The following FRMD4A variants were observed in gnomAD, a reference collection of about 807,000 sequenced individuals.
The protein encoded by FRMD4A is FERM domain-containing protein 4A.
Under a neutral mutation model 129.1 loss-of-function variants are expected in FRMD4A, and 29 were observed. That is an observed-to-expected ratio of 0.22 (90% CI 0.17 to 0.31). The LOEUF (loss-of-function observed/expected upper bound fraction) is 0.31, where lower values mean the gene tolerates loss of function less well. Ranked by LOEUF, FRMD4A falls within the 10% of genes least tolerant of loss-of-function variation. FRMD4A has a pLI of 1.00. For missense variants in FRMD4A, 1,272 were observed against 1,375.8 expected (o/e 0.92, Z 1.19); for synonymous variants, 634 against 571.6 (o/e 1.11, Z -1.56).
At chr10:14,167,321 C>G (rs1030750323) in intron 2 of FRMD4A, among the ~76,000 whole-genome samples, 6 of 151,988 alleles carry the variant, frequency 3.9e-5, no homozygotes, top group Non-Finnish European at 5.9e-5. Context: ...CACTTGAGGT[C>G]GGGAGATCAA....
At chr10:14,187,300 G>T (rs1006761392) in intron 2 of FRMD4A, among the ~76,000 whole-genome samples, 1 of 152,188 alleles carries the variant, frequency 6.6e-6, no homozygotes, top group Non-Finnish European at 1.5e-5. Flanking sequence ...CAGTCAAATT[G>T]TGTATCAACT....
intron 6 of FRMD4A, among the ~76,000 whole-genome samples, chr10:13,768,427 G>A (rs72769570): frequency 0.044 from 6,655 of 152,202 alleles, 191 homozygotes; most frequent in Non-Finnish European, 0.058. Context: ...ACCATGGTCC[G>A]GAACTGCAGG....
At chr10:13,952,016 T>C (rs2095375266) in intron 2 of FRMD4A, among the ~76,000 whole-genome samples, 1 of 150,774 alleles carries the variant, frequency 6.6e-6, no homozygotes, top group African/African-American at 2.4e-5. Context: ...TAAGAAGTTC[T>C]TTAAGATATT....
chr10:13,782,148 T>A (rs934092253), intron 6 of FRMD4A, among the ~76,000 whole-genome samples: 2 of 150,420 alleles, frequency 1.3e-5, no homozygotes, highest in African/African-American at 2.5e-5. Context: ...CAATTTTTTT[T>A]AAAAAAGAAA....
Position 13,785,778 on chromosome 10 carries a change from C to CA in FRMD4A, c.300-2773dup, listed in dbSNP as rs199843321. ...TAATGCTATCCCTCCCCCTACCCCCCACCCCACGACAGGCCCCAGTATGTG... is the reference window on the plus strand; with the variant it reads ...TAATGCTATCCCTCCCCCTACCCCCCAACCCCACGACAGGCCCCAGTATGTG... On this transcript the variant is annotated intron_variant, in intron 5 of 24. Coordinates refer to ENST00000357447, the MANE Select transcript of FRMD4A (RefSeq NM_018027.5). Among the ~76,000 whole-genome samples, 288 of 151,978 alleles carry CA rather than the reference C, an allele frequency of 1.9e-3. 9 individuals carry two copies. In the East Asian group the frequency reaches 0.047, roughly 25 times the overall value.
intron 17 of FRMD4A, among the ~76,000 whole-genome samples, chr10:13,669,702 A>G (rs2083360006): frequency 6.6e-6 from 1 of 152,238 alleles, no homozygotes; most frequent in Non-Finnish European, 1.5e-5. Context: ...GCCTGAGGGT[A>G]TACCTGGCCT....
At chr10:14,197,022 A>G (rs78004124) in intron 2 of FRMD4A, among the ~76,000 whole-genome samples, 6,838 of 152,206 alleles carry the variant, frequency 0.045, 246 homozygotes, top group Non-Finnish European at 0.067. Context: ...AATTGCTATC[A>G]CTGTTCTCAA....
chr10:13,689,217 G>GGGGGGGGT (rs2085430434), intron 15 of FRMD4A, among the ~76,000 whole-genome samples: 1 of 75,614 alleles, frequency 1.3e-5, no homozygotes. Context: ...GGGGGGGGGG[G>GGGGGGGGT]GGGAGGGCTA....
At chr10:14,005,683 C>G (rs759220856) in intron 2 of FRMD4A, among the ~76,000 whole-genome samples, 2 of 152,160 alleles carry the variant, frequency 1.3e-5, no homozygotes, top group Non-Finnish European at 2.9e-5. Flanking sequence ...CATCGCTCCT[C>G]CAGAGAGCAA....
intron 2 of FRMD4A, among the ~76,000 whole-genome samples, chr10:14,195,058 G>T (rs1271862180): frequency 1.3e-5 from 2 of 152,078 alleles, no homozygotes; most frequent in African/African-American, 2.4e-5. Flanking sequence ...AAGTGAAATA[G>T]CAATTCTTAT....
In FRMD4A at chr10:14,137,772, C is replaced by T. The variant is rs117413808; in HGVS notation, c.45+192286G>A. On this transcript the variant is annotated intron_variant, in intron 2 of 24. Coordinates refer to ENST00000357447, the MANE Select transcript of FRMD4A (RefSeq NM_018027.5). ...TGTTAATATGCAATGGCACTCCCTGCCCTCCTTTGCTACGCACTAATTTAA... is the reference window on the plus strand; with the variant it reads ...TGTTAATATGCAATGGCACTCCCTGTCCTCCTTTGCTACGCACTAATTTAA... Among the ~76,000 whole-genome samples the T allele has an allele frequency of 4.8e-3, 725 of 152,254 alleles. 8 individuals carry two copies. Among genetic ancestry groups the T allele is most frequent in the East Asian group, 0.042 (218 of 5,176 alleles).
intron 2 of FRMD4A, among the ~76,000 whole-genome samples, chr10:13,881,687 G>A (rs1181471380): frequency 6.6e-6 from 1 of 152,080 alleles, no homozygotes; most frequent in African/African-American, 2.4e-5. Context: ...GTGCTGTGCT[G>A]TCAACGACAA....
rs2093742447 is a variant in FRMD4A, at chr10:13,828,712, A to G, written c.112-17804T>C. Among the ~76,000 whole-genome samples the G allele has an allele frequency of 3.3e-5, 5 of 152,122 alleles. No individual in the cohort carries two copies. In the South Asian group the frequency reaches 1.0e-3, roughly 32 times the overall value. On this transcript the variant is annotated intron_variant, in intron 3 of 24. Transcript: ENST00000357447. ...CATGCCTGGCTAATTTTGTATTTTTAGTAGAGACAGGGTTTCTCCATGTTG... is the reference window on the plus strand; with the variant it reads ...CATGCCTGGCTAATTTTGTATTTTTGGTAGAGACAGGGTTTCTCCATGTTG...
intron 12 of FRMD4A, chr10:13,707,463 AC>A: frequency 9.7e-7 from 1 of 1,028,488 alleles, no homozygotes; most frequent in Non-Finnish European, 1.2e-6. Flanking sequence ...AGAGGTGGAG[AC>A]CGGGGAGAGG....
chr10:14,043,445 G>T (rs1300704542), intron 2 of FRMD4A, among the ~76,000 whole-genome samples: 3 of 151,948 alleles, frequency 2.0e-5, no homozygotes, highest in African/African-American at 7.2e-5. Flanking sequence ...TTCACTCCCT[G>T]CCCACTGATT....
rs528442546 is a variant in FRMD4A at position 14,124,993 on chromosome 10, C to G, written c.45+205065G>C. Reference sequence around the variant, plus strand: ...CAGAAGATAGTGCTTCCTTTGACAACGTCAATTTTTCAGTGCATGAAGCCC... The same window carrying G: ...CAGAAGATAGTGCTTCCTTTGACAAGGTCAATTTTTCAGTGCATGAAGCCC... On this transcript the variant is annotated intron_variant, in intron 2 of 24. Transcript: ENST00000357447. 3.3e-5 allele frequency among the ~76,000 whole-genome samples: 5 copies of G among 152,260 alleles called. No homozygotes were observed. The East Asian group carries it at 9.7e-4, about 30-fold the overall frequency.
chr10:13,953,200 G>A (rs369342829), intron 2 of FRMD4A, among the ~76,000 whole-genome samples: 2 of 152,154 alleles, frequency 1.3e-5, no homozygotes, highest in East Asian at 1.9e-4. Flanking sequence ...TTCCCCTTGT[G>A]AAACTCAGGT....
At chr10:13,873,056 G>A (rs1308317034) in intron 2 of FRMD4A, among the ~76,000 whole-genome samples, 1 of 151,786 alleles carries the variant, frequency 6.6e-6, no homozygotes, top group Non-Finnish European at 1.5e-5. Flanking sequence ...AACGCCTATA[G>A]TCCTAGCTAC....
intron 12 of FRMD4A, among the ~76,000 whole-genome samples, chr10:13,712,445 C>T (rs1232806633): frequency 2.6e-5 from 4 of 151,110 alleles, no homozygotes; most frequent in South Asian, 2.1e-4. Context: ...ACCCAGGAGA[C>T]GGAGGTTGCA....
Sources: gnomAD v4.1 joint callset for allele counts (sites outside exome capture counted in the v4.1 genomes callset) on GRCh38, gnomAD v4.1.1 for gene constraint, MANE v1.5 for transcripts, NCBI Gene and HGNC (gene_info 2026-07-23, HGNC 2026-07-21) for gene names.